The following EVPL variants were observed in gnomAD, a reference collection of about 807,000 sequenced individuals.
EVPL encodes the protein envoplakin.
Under a neutral mutation model 129.7 loss-of-function variants are expected in EVPL, and 94 were observed. The observed-to-expected ratio is 0.72, with a 90% CI of 0.61 to 0.86. EVPL has a LOEUF of 0.86. Ranked by LOEUF, EVPL falls within the 40% of genes least tolerant of loss-of-function variation. The probability of loss-of-function intolerance (pLI) is 0.00; values close to 1 mark genes in which losing one functional copy is unlikely to be tolerated. For synonymous variants in EVPL, 1,172 were observed against 1,191.1 expected, an observed-to-expected ratio of 0.98 and a Z score of 0.33; for missense variants, 2,625 against 2,721.1, an observed-to-expected ratio of 0.96 and a Z score of 0.79.
At position 76,007,175 on chromosome 17, in the gene EVPL, GA is replaced by G. The variant is rs759839616; in HGVS notation, c.6029del (p.Leu2010ProfsTer69). ...CRKDPLSGLL[L>X]LPAALEGYRC... ...GGTACCCCTCCAGTGCCGCTGGCAG[GA>G]GCAGCAGGCCGCTCAGGGGGTCTTT... On this transcript the variant is annotated frameshift_variant, in exon 22 of 22. Transcript: ENST00000301607. LOFTEE classifies it low-confidence loss of function (END_TRUNC). This position sits in a 1 kb window ranked among gnomAD's most constrained non-coding sequence, Gnocchi z 8.8. The G allele has an allele frequency of 2.0e-6, 3 of 1,517,306 alleles. No homozygotes were observed. The highest frequency in any genetic ancestry group is 2.7e-6 in the Non-Finnish European group (3 of 1,131,254). 94.0% of individuals were successfully genotyped at this position (1,517,306 alleles called of 1,614,324 possible).
Position 76,024,023 on chromosome 17 carries a change from G to A in EVPL, c.196C>T (p.Gln66Ter), listed in dbSNP as rs2066482156. 1 of 1,612,348 alleles carries A rather than the reference G, an allele frequency of 6.2e-7. No individual in the cohort carries two copies. ...GCCAACTGCTGCCGGGGCCTCACCT[G>A]CTGCAGCCTCTTCTGCGTCTCCAGG... is the stretch of plus-strand genomic sequence containing the variant. ...DILETQKRLQ[Q>*]DRLNSEQSQA... The change falls in exon 2 of 22, where the codon CAG becomes TAG. Residue 66 changes from glutamine to a stop codon, truncating the protein, a stop_gained and splice_region_variant. Coordinates refer to ENST00000301607, the MANE Select transcript of EVPL (RefSeq NM_001988.4). LOFTEE classifies it high-confidence loss of function. The surrounding 1 kb of genome is among the most constrained non-coding windows in gnomAD (Gnocchi z 4.5).
At position 76,007,709 on chromosome 17, in the gene EVPL, G is replaced by A. The variant is rs1254858929; in HGVS notation, c.5496C>T (p.Asp1832=). 5 of 1,613,194 alleles carry A rather than the reference G, an allele frequency of 3.1e-6. No individual in the cohort carries two copies. The highest frequency in any genetic ancestry group is 4.2e-6 in the Non-Finnish European group (5 of 1,179,444). Reference sequence around the variant, plus strand: ...TGCTGCACTTGTTGTCTGTGGTTGTGTCATAGATCCCGGCGATAGGGAAGC... The same window carrying A: ...TGCTGCACTTGTTGTCTGTGGTTGTATCATAGATCCCGGCGATAGGGAAGC... ...DDSFPIAGIY[D]TTTDNKCSIK... Residue 1832 remains aspartate, a synonymous_variant, in exon 22 of 22, where the codon GAC becomes GAT. Transcript: ENST00000301607. The surrounding 1 kb of genome is among the most constrained non-coding windows in gnomAD (Gnocchi z 8.8).
rs1038473817 is a variant in EVPL at position 76,009,920 on chromosome 17, C to G, written c.3285G>C (p.Leu1095=). Residue 1095 remains leucine (L), a synonymous_variant, in exon 22 of 22, where the codon CTG becomes CTC. Coordinates refer to ENST00000301607, the MANE Select transcript of EVPL (RefSeq NM_001988.4). This position sits in a 1 kb window ranked among gnomAD's most constrained non-coding sequence, Gnocchi z 5.9. ...CAGCATCCTCCTCCATCTGCAGCCT[C>G]AGAGCCTGGGCTGCCTTGACCATTT... ...NLEMVKAAQA[L]RLQMEEDAAR... 6 of 1,614,206 alleles carry G rather than the reference C, an allele frequency of 3.7e-6. No homozygotes were observed. Among genetic ancestry groups the G allele is most frequent in the Non-Finnish European group, 5.1e-6 (6 of 1,180,036 alleles).
chr17:76,017,625 C>G (rs2066426406), intron 14 of EVPL, 114 bp downstream of exon 14: 1 of 1,432,600 alleles, frequency 7.0e-7, no homozygotes, highest in Non-Finnish European at 9.3e-7. Context: ...TGTCCACACC[C>G]TTCTCCATCT....
In EVPL at chr17:76,009,016, C is replaced by T. The variant is rs751540924; in HGVS notation, c.4189G>A (p.Glu1397Lys). 5.6e-6 allele frequency: 9 copies of T among 1,612,882 alleles called. No individual in the cohort carries two copies. The Admixed American group carries it at 1.5e-4, about 27-fold the overall frequency. ...EHSRLSGSLD[E>K]EVGRRRQLEL... ...AGCTGGCGCCGCCGGCCCACCTCCT[C>T]ATCCAGGCTCCCGCTCAGCCGGCTG... The change falls in exon 22 of 22, where the codon GAG (glutamate) becomes AAG (lysine). Residue 1397 changes from glutamate to lysine, a missense_variant. By Grantham distance (56) the Glu-to-Lys change is moderately conservative. This residue lies in a region of EVPL where 1,453 missense variants were observed against 1,511.8 expected (regional missense o/e 0.96). Transcript: ENST00000301607. This position sits in a 1 kb window ranked among gnomAD's most constrained non-coding sequence, Gnocchi z 5.9.
rs75019874 is a variant in EVPL at position 76,009,530 on chromosome 17, G to A, written c.3675C>T (p.Ser1225=). The A allele has an allele frequency of 0.024, 38,540 of 1,613,950 alleles. 490 individuals are homozygous for A. The highest frequency in any genetic ancestry group is 0.037 in the Middle Eastern group (226 of 6,062). ...GCTTCTCCACCTCCTTCTCCACACC[G>A]CTCCTCTTGCCCGCCATCTCCTGCA... The part of the protein sequence containing the change: ...AKLQEMAGKR[S]GVEKEVEKLL... Residue 1225 remains serine (S), a synonymous_variant, in exon 22 of 22, where the codon AGC becomes AGT. Transcript: ENST00000301607. This position sits in a 1 kb window ranked among gnomAD's most constrained non-coding sequence, Gnocchi z 5.9.
rs149596756 is a variant in EVPL, at chr17:76,009,829, C to G, written c.3376G>C (p.Ala1126Pro). 4 of 1,613,890 alleles carry G rather than the reference C, an allele frequency of 2.5e-6. No individual in the cohort carries two copies. In the African/African-American group the frequency reaches 5.3e-5, roughly 22 times the overall value. Reference protein sequence around the residue: ...LQARIEDLERAISSVEPKVIV... With the variant: ...LQARIEDLERPISSVEPKVIV... ...ACCTTGGGCTCCACCGAGCTGATAG[C>G]CCGCTCCAGGTCTTCGATGCGAGCC... Residue 1126 changes from alanine (A) to proline (P), a missense_variant, in exon 22 of 22, where the codon GCT (alanine) becomes CCT (proline). Coordinates refer to ENST00000301607, the MANE Select transcript of EVPL (RefSeq NM_001988.4). The surrounding 1 kb of genome is among the most constrained non-coding windows in gnomAD (Gnocchi z 5.9).
Position 76,018,492 on chromosome 17 carries a change from A to G in EVPL, c.1393T>C (p.Phe465Leu), listed in dbSNP as rs758192255. Residue 465 changes from phenylalanine (F) to leucine (L), a missense_variant, in exon 12 of 22, where the codon TTC (phenylalanine) becomes CTC (leucine). Coordinates refer to ENST00000301607, the MANE Select transcript of EVPL (RefSeq NM_001988.4). The part of the protein sequence containing the change: ...GETKRAPAAC[F>L]CIPAPDPDAV... ...TCAGGGTCTGGTGCTGGGATGCAGA[A>G]GCAGGCGGCGGGAGCACGCTTGGTC... 1 of 1,612,644 alleles carries G rather than the reference A, an allele frequency of 6.2e-7. No individual in the cohort carries two copies. The highest frequency in any genetic ancestry group is 1.7e-5 in the Admixed American group (1 of 59,962).
intron 17 of EVPL, 136 bp from the exon 18 acceptor site, chr17:76,014,712 C>T: frequency 7.8e-7 from 1 of 1,275,698 alleles, no homozygotes; most frequent in Admixed American, 2.7e-5. Context: ...CAGATCCCCA[C>T]TCCCTGACCC....
Position 76,008,322 on chromosome 17 carries a change from C to T in EVPL, c.4883G>A (p.Arg1628Gln), listed in dbSNP as rs1288378772. 8.7e-6 allele frequency: 14 copies of T among 1,607,148 alleles called. No individual in the cohort carries two copies. The highest frequency in any genetic ancestry group is 2.2e-5 in the East Asian group (1 of 44,876). Reference sequence around the variant, plus strand: ...CTGGCCCCGCTGGGCCGCCTTCTGTCGCTCGCTCTCCGTCTTCTGGCTGAG... The same window carrying T: ...CTGGCCCCGCTGGGCCGCCTTCTGTTGCTCGCTCTCCGTCTTCTGGCTGAG... The part of the protein sequence containing the change: ...KLLSQKTESE[R>Q]QKAAQRGQEL... Residue 1628 changes from arginine (R) to glutamine (Q), a missense_variant, in exon 22 of 22, where the codon CGA (arginine) becomes CAA (glutamine). Arg to Gln is a conservative substitution (Grantham distance 43). Coordinates refer to ENST00000301607, the MANE Select transcript of EVPL (RefSeq NM_001988.4). The surrounding 1 kb of genome is among the most constrained non-coding windows in gnomAD (Gnocchi z 7.4).
rs972125875 is a variant in EVPL at position 76,018,395 on chromosome 17, C to G, written c.1439+51G>C. On this transcript the variant is annotated intron_variant, in intron 12 of 21. Transcript: ENST00000301607. The stretch of plus-strand genomic sequence containing the variant: ...GGCCATGGGCTTGGACACCGCAGGG[C>G]CGGCCTGCTCTGCCCACAGCCTGCC... 8 of 1,567,472 alleles carry G rather than the reference C, an allele frequency of 5.1e-6. No individual in the cohort carries two copies. The Admixed American group carries it at 5.8e-5, about 11-fold the overall frequency.
intron 21 of EVPL, 66 bp downstream of exon 21, chr17:76,011,510 G>C: frequency 7.2e-7 from 1 of 1,390,114 alleles, no homozygotes; most frequent in African/African-American, 1.4e-5. Flanking sequence ...GGCATTTTGG[G>C]AATGGAGTGG....
Position 76,009,515 on chromosome 17 carries a change from C to G in EVPL, c.3690G>C (p.Glu1230Asp). ...MAGKRSGVEK[E>D]VEKLLPDLEV... The stretch of plus-strand genomic sequence containing the variant: ...CCAGGTCGGGCAGCAGCTTCTCCAC[C>G]TCCTTCTCCACACCGCTCCTCTTGC... The change falls in exon 22 of 22, where the codon GAG (glutamate) becomes GAC (aspartate). Residue 1230 changes from glutamate (E) to aspartate (D), a missense_variant. Glu to Asp is a conservative substitution (Grantham distance 45). Around this residue, in one of 4 missense-constraint regions of EVPL, gnomAD observed 1,453 missense variants for 1,511.8 expected, o/e 0.96. Coordinates refer to ENST00000301607, the MANE Select transcript of EVPL (RefSeq NM_001988.4). The surrounding 1 kb of genome is among the most constrained non-coding windows in gnomAD (Gnocchi z 5.9). 1 of 1,614,102 alleles carries G rather than the reference C, an allele frequency of 6.2e-7. No individual in the cohort carries two copies. The highest frequency in any genetic ancestry group is 1.3e-5 in the African/African-American group (1 of 75,060).
Position 76,027,073 on chromosome 17 carries a change from C to T in EVPL, c.98+28G>A, listed in dbSNP as rs537381168. ...TGGCACCACCCCCACCCCAGTTCCCCGGCTCCCCATCCCCCAGTCCCACTT... is the reference window on the plus strand; with the variant it reads ...TGGCACCACCCCCACCCCAGTTCCCTGGCTCCCCATCCCCCAGTCCCACTT... On this transcript the variant is annotated intron_variant, in intron 1 of 21. Coordinates refer to ENST00000301607, the MANE Select transcript of EVPL (RefSeq NM_001988.4). The T allele has an allele frequency of 3.9e-5, 52 of 1,344,102 alleles. No homozygotes were observed. The South Asian group carries it at 5.4e-4, about 14-fold the overall frequency. 83.3% of individuals were successfully genotyped at this position (1,344,102 alleles called of 1,614,324 possible). A position where few individuals can be genotyped will look rare whatever the true frequency, so the allele number is the denominator to read the frequency against.
chr17:76,008,503 C>G lies in EVPL; in HGVS notation c.4702G>C (p.Glu1568Gln), dbSNP rs1030266308. The change falls in exon 22 of 22, where the codon GAG becomes CAG. Residue 1568 changes from glutamate to glutamine, a missense_variant. Glu to Gln is a conservative substitution (Grantham distance 29). Coordinates refer to ENST00000301607, the MANE Select transcript of EVPL (RefSeq NM_001988.4). The surrounding 1 kb of genome is among the most constrained non-coding windows in gnomAD (Gnocchi z 7.4). ...CGGGACCAGGTTCTCCCCAGCGTCT[C>G]GGCCCGGTCAATGCGCTCCCGCAGG... ...RRLRERIDRA[E>Q]TLGRTWSREE... The G allele has an allele frequency of 2.5e-6, 4 of 1,603,210 alleles. No individual in the cohort carries two copies. The African/African-American group carries it at 5.3e-5, about 21-fold the overall frequency.
Position 76,009,791 on chromosome 17 carries a change from C to T in EVPL, c.3414G>A (p.Glu1138=). ...CTGGGTCCTGCTCCACCTTCTTCACCTCCTTCACGATGACCTTGGGCTCCA... is the reference window on the plus strand; with the variant it reads ...CTGGGTCCTGCTCCACCTTCTTCACTTCCTTCACGATGACCTTGGGCTCCA... ...SSVEPKVIVK[E]VKKVEQDPGL... The change falls in exon 22 of 22, where the codon GAG becomes GAA. Residue 1138 remains glutamate, a synonymous_variant. Coordinates refer to ENST00000301607, the MANE Select transcript of EVPL (RefSeq NM_001988.4). This position sits in a 1 kb window ranked among gnomAD's most constrained non-coding sequence, Gnocchi z 5.9. 4 of 1,613,970 alleles carry T rather than the reference C, an allele frequency of 2.5e-6. No individual in the cohort carries two copies. In the South Asian group the frequency reaches 3.3e-5, roughly 13 times the overall value.
intron 11 of EVPL, among the ~76,000 whole-genome samples, 153 bp from the exon 12 acceptor site, chr17:76,018,753 G>A (rs1283728619): frequency 6.6e-6 from 1 of 151,698 alleles, no homozygotes; most frequent in Non-Finnish European, 1.5e-5. Context: ...AAAGAGGCAG[G>A]ACAGGACTTG....
At chr17:76,014,243 C>CAG (rs1336890162) in intron 18 of EVPL, among the ~76,000 whole-genome samples, 183 bp downstream of exon 18, 2 of 152,214 alleles carry the variant, frequency 1.3e-5, no homozygotes, top group African/African-American at 4.8e-5. Context: ...CCCACTGCCC[C>CAG]AGTCGGGCCA....
rs2071193 is a variant in EVPL, at chr17:76,018,547, G to A, written c.1338C>T (p.His446=). 0.44 allele frequency: 714,224 copies of A among 1,611,676 alleles called. 161,450 individuals carry two copies. The highest frequency in any genetic ancestry group is 0.7 in the East Asian group (31,288 of 44,852). ...RYKLVDNTDP[H]AWVVQGPGGE... is the part of the protein sequence containing the mutation. ...CGCCAGGGCCCTGCACGACCCAGGC[G>A]TGCGGGTCAGTGTTATCTACCAGCT... The change falls in exon 12 of 22, where the codon CAC becomes CAT. Residue 446 remains histidine (H), a synonymous_variant. Coordinates refer to ENST00000301607, the MANE Select transcript of EVPL (RefSeq NM_001988.4).
Sources: gnomAD v4.1 joint callset for allele counts (sites outside exome capture counted in the v4.1 genomes callset) on GRCh38, gnomAD v4.1.1 for gene constraint, gnomAD v4.1.1 regional missense constraint, Gnocchi (gnomAD v3.1) non-coding constraint, MANE v1.5 for transcripts, NCBI Gene and HGNC (gene_info 2026-07-23, HGNC 2026-07-21) for gene names.